MCTP1: variants seen among roughly 807,000 people sequenced by gnomAD.
The protein encoded by MCTP1 is multiple C2 and transmembrane domain-containing protein 1.
MCTP1 carries 69 observed loss-of-function variants against 120.6 expected under a neutral mutation model. That is an observed-to-expected ratio of 0.57 (90% confidence interval 0.47 to 0.70). The LOEUF (loss-of-function observed/expected upper bound fraction) is 0.70, where lower values mean the gene tolerates loss of function less well. MCTP1 is among the 30% of genes least tolerant of loss of function. The probability of loss-of-function intolerance (pLI) is 0.00; values close to 1 mark genes in which losing one functional copy is unlikely to be tolerated. For missense variants in MCTP1, 1,203 were observed against 1,248.8 expected (o/e 0.96, Z 0.55); for synonymous variants, 529 against 493.1 (o/e 1.07, Z -0.96).
At position 95,072,719 on chromosome 5, in the gene MCTP1, T is replaced by G. The variant is rs1160084274; in HGVS notation, c.721-55235A>C. On this transcript the variant is annotated intron_variant, in intron 1 of 22. Transcript: ENST00000515393. ...CAACCTCAACTGTTCTAGCTCCAAA[T>G]TTGGACTCTGCTTAGCAACTATTTT... is the stretch of plus-strand genomic sequence containing the variant. 5.9e-5 allele frequency among the ~76,000 whole-genome samples: 9 copies of G among 151,906 alleles called. No homozygotes were observed. The East Asian group carries it at 1.5e-3, about 26-fold the overall frequency.
intron 10 of MCTP1, among the ~76,000 whole-genome samples, chr5:94,903,932 G>A (rs907637435): frequency 1.3e-5 from 2 of 152,190 alleles, no homozygotes; most frequent in African/African-American, 4.8e-5. Context: ...TACCACAGCT[G>A]TCAGCAGCCA....
chr5:95,105,288 CAT>C (rs1456682208), intron 1 of MCTP1, among the ~76,000 whole-genome samples: 6 of 152,164 alleles, frequency 3.9e-5, no homozygotes, highest in Admixed American at 1.3e-4. Flanking sequence ...AGGTGTTTGA[CAT>C]GACTCTAGAG....
chr5:95,198,048 G>C (rs1329630762), intron 1 of MCTP1, among the ~76,000 whole-genome samples: 1 of 151,972 alleles, frequency 6.6e-6, no homozygotes, highest in Admixed American at 6.6e-5. Flanking sequence ...GAGTATTTTT[G>C]ATCCATGGCT....
intron 1 of MCTP1, among the ~76,000 whole-genome samples, chr5:95,080,194 A>G (rs1582197790): frequency 6.6e-6 from 1 of 152,174 alleles, no homozygotes; most frequent in African/African-American, 2.4e-5. Context: ...AGGCATGTGT[A>G]CTTTTATGGC....
chr5:95,095,006 A>ATTTTTTTTTT lies in MCTP1; in HGVS notation c.721-77532_721-77523dup, dbSNP rs756132693. Among the ~76,000 whole-genome samples the ATTTTTTTTTT allele has an allele frequency of 3.0e-4, 11 of 36,962 alleles. 4 individuals are homozygous for ATTTTTTTTTT. The highest frequency in any genetic ancestry group is 1.1e-3 in the African/African-American group (9 of 8,044). 24.2% of individuals were successfully genotyped at this position (36,962 alleles called of 152,430 possible). ...TTTTTTCTTTTATTTGTTATGTTAG[A>ATTTTTTTTTT]TTTTTTTTTTTTTTTTTTTTTTTTT... On this transcript the variant is annotated intron_variant, in intron 1 of 22. Coordinates refer to ENST00000515393, the MANE Select transcript of MCTP1 (RefSeq NM_024717.7).
chr5:94,987,052 GT>G (rs1245398829), intron 2 of MCTP1, among the ~76,000 whole-genome samples: 1 of 151,834 alleles, frequency 6.6e-6, no homozygotes, highest in Non-Finnish European at 1.5e-5. Context: ...GTTACATTGT[GT>G]TTTTTATTTG....
intron 17 of MCTP1, chr5:94,867,217 A>T: frequency 1.4e-6 from 2 of 1,404,304 alleles, no homozygotes; most frequent in Non-Finnish European, 1.9e-6. Context: ...AGAGAGAGAG[A>T]TTTTTTTTCT....
At chr5:94,909,829 G>A (rs1420602688) in intron 9 of MCTP1, among the ~76,000 whole-genome samples, 1 of 152,038 alleles carries the variant, frequency 6.6e-6, no homozygotes, top group Non-Finnish European at 1.5e-5. Flanking sequence ...TTGGAATCCT[G>A]ACTTGAGTAC....
At chr5:94,867,114 T>C in intron 17 of MCTP1, 1 of 841,214 alleles carries the variant, frequency 1.2e-6, no homozygotes, top group South Asian at 3.1e-5. Flanking sequence ...AAGTACCTCC[T>C]GGCTAGGGAA....
At chr5:94,789,809 G>C (rs1778509580) in intron 18 of MCTP1, among the ~76,000 whole-genome samples, 1 of 152,084 alleles carries the variant, frequency 6.6e-6, no homozygotes, top group South Asian at 2.1e-4. Flanking sequence ...CATCATCTTT[G>C]AACCACAGTT....
intron 11 of MCTP1, among the ~76,000 whole-genome samples, chr5:94,893,653 A>T (rs1803195998): frequency 6.6e-6 from 1 of 152,240 alleles, no homozygotes; most frequent in Non-Finnish European, 1.5e-5. Context: ...AGAATATTGT[A>T]GAGCATTAGT....
chr5:94,996,068 T>C (rs1015941770), intron 2 of MCTP1, among the ~76,000 whole-genome samples: 2 of 152,214 alleles, frequency 1.3e-5, no homozygotes, highest in Non-Finnish European at 2.9e-5. Flanking sequence ...GCAACTTAAA[T>C]TGTTTTGTTA....
intron 18 of MCTP1, chr5:94,791,882 C>G (rs1367945266): frequency 6.6e-6 from 1 of 152,312 alleles, no homozygotes; most frequent in Admixed American, 6.5e-5. Context: ...CCTCTTCCAG[C>G]ACCTTTCTCA....
Position 94,888,913 on chromosome 5 carries a change from G to C in MCTP1, c.1899C>G (p.Ile633Met). Reference protein sequence around the residue: ...KDVGFLQVKVIRAEGLMAADV... With the variant: ...KDVGFLQVKVMRAEGLMAADV... ...CGGCAGCCATTAACCCTTCCGCTCT[G>C]ATGACTTTCACCTGGAGAAATCCCA... Residue 633 changes from isoleucine to methionine, a missense_variant, in exon 12 of 23, where the codon ATC becomes ATG. By Grantham distance (10) the Ile-to-Met change is conservative (BLOSUM62 1). Transcript: ENST00000515393. 6.2e-7 allele frequency: 1 copy of C among 1,613,830 alleles called. No individual in the cohort carries two copies. The highest frequency in any genetic ancestry group is 1.1e-5 in the South Asian group (1 of 91,074).
intron 1 of MCTP1, among the ~76,000 whole-genome samples, chr5:95,200,776 A>C (rs113097209): frequency 0.018 from 2,817 of 152,336 alleles, 28 homozygotes; most frequent in Non-Finnish European, 0.03. Flanking sequence ...GTGTTTTGAA[A>C]ATTGCTAAGA....
intron 1 of MCTP1, among the ~76,000 whole-genome samples, chr5:95,277,872 G>T (rs1759977522): frequency 6.6e-6 from 1 of 152,128 alleles, no homozygotes; most frequent in Admixed American, 6.5e-5. Context: ...CTGAAGAGAA[G>T]AAAATTGTTC....
In MCTP1 at chr5:94,947,577, T is replaced by TATATAGAGAGAG; in HGVS notation, c.982-5151_982-5150insCTCTCTCTATAT. Among the ~76,000 whole-genome samples, 88 of 47,368 alleles carry TATATAGAGAGAG rather than the reference T, an allele frequency of 1.9e-3. 4 individuals carry two copies. The highest frequency in any genetic ancestry group is 2.2e-3 in the Non-Finnish European group (55 of 25,004). 31.1% of individuals were successfully genotyped at this position (47,368 alleles called of 152,430 possible). A position where few individuals can be genotyped will look rare whatever the true frequency, so the allele number is the denominator to read the frequency against. Reference sequence around the variant, plus strand: ...CTAAATATATATATATATATATATATAGAGAGAGAGAGAGAGAGAGAGAGA... The same window carrying TATATAGAGAGAG: ...CTAAATATATATATATATATATATATATATAGAGAGAGAGAGAGAGAGAGAGAGAGAGAGAGA... On this transcript the variant is annotated intron_variant, in intron 3 of 22. Coordinates refer to ENST00000515393, the MANE Select transcript of MCTP1 (RefSeq NM_024717.7).
chr5:94,902,273 A>G (rs921511907), intron 10 of MCTP1, among the ~76,000 whole-genome samples: 7 of 152,166 alleles, frequency 4.6e-5, no homozygotes, highest in African/African-American at 1.7e-4. Context: ...CTTGAGCTCT[A>G]TGTCAGCCAC....
At chr5:94,710,796 G>C in intron 21 of MCTP1, 22 bp downstream of exon 21, 2 of 1,493,188 alleles carry the variant, frequency 1.3e-6, no homozygotes, top group Non-Finnish European at 1.9e-6. Context: ...CAGTTTGGGG[G>C]AGTGGGGGAG....
Sources: gnomAD v4.1 joint callset for allele counts (sites outside exome capture counted in the v4.1 genomes callset) on GRCh38, gnomAD v4.1.1 for gene constraint, MANE v1.5 for transcripts, NCBI Gene and HGNC (gene_info 2026-07-23, HGNC 2026-07-21) for gene names.